IGF1R: variants seen among roughly 807,000 people sequenced by gnomAD.
IGF1R encodes the protein insulin like growth factor 1 receptor.
Under a neutral mutation model 144.6 loss-of-function variants are expected in IGF1R, and 44 were observed. The ratio of observed to expected loss-of-function variants is 0.30; its 90% CI spans 0.24 to 0.39. IGF1R has a LOEUF of 0.39. IGF1R is among the 10% of genes least tolerant of loss of function. The pLI, the probability that IGF1R is intolerant of heterozygous loss-of-function variation, is 1.00. For synonymous variants in IGF1R, 795 were observed against 722.8 expected, an observed-to-expected ratio of 1.10 and a Z score of -1.60; for missense variants, 1,355 against 1,833.7, an observed-to-expected ratio of 0.74 and a Z score of 4.77.
chr15:98,769,543 T>A (rs535001391), intron 2 of IGF1R, among the ~76,000 whole-genome samples: 1 of 152,304 alleles, frequency 6.6e-6, no homozygotes, highest in South Asian at 2.1e-4. Flanking sequence ...CTTTTAGACT[T>A]GGTAAGAAGT....
intron 2 of IGF1R, among the ~76,000 whole-genome samples, chr15:98,850,343 G>GA (rs1042898742): frequency 6.6e-6 from 1 of 152,210 alleles, no homozygotes; most frequent in African/African-American, 2.4e-5. Context: ...AGAGAGCAGA[G>GA]AAGGACCCTG....
intron 2 of IGF1R, among the ~76,000 whole-genome samples, chr15:98,789,229 A>C (rs1047329003): frequency 4.6e-5 from 7 of 152,228 alleles, no homozygotes; most frequent in African/African-American, 1.7e-4. Context: ...TTATCTTTGA[A>C]AGAAGAAAAC....
chr15:98,888,465 G>GTGTGTGTT (rs2013750820), intron 2 of IGF1R, among the ~76,000 whole-genome samples: 2 of 151,842 alleles, frequency 1.3e-5, no homozygotes. Context: ...GTGTGTGTGT[G>GTGTGTGTT]TTTACAGAAA....
At chr15:98,829,265 T>C (rs926547306) in intron 2 of IGF1R, among the ~76,000 whole-genome samples, 1 of 152,148 alleles carries the variant, frequency 6.6e-6, no homozygotes, top group African/African-American at 2.4e-5. Flanking sequence ...TTCACACCTT[T>C]CGTGTTACAC....
At chr15:98,883,329 G>T (rs2013474406) in intron 2 of IGF1R, among the ~76,000 whole-genome samples, 1 of 152,176 alleles carries the variant, frequency 6.6e-6, no homozygotes, top group South Asian at 2.1e-4. Context: ...CATTCCTTAG[G>T]ATGACCAGAA....
chr15:98,750,101 C>T (rs991330765), intron 2 of IGF1R, among the ~76,000 whole-genome samples: 2 of 152,116 alleles, frequency 1.3e-5, no homozygotes, highest in Non-Finnish European at 2.9e-5. Flanking sequence ...TTACCTTTCT[C>T]TTTTGTCATT....
rs2017190562 is a variant in IGF1R, at chr15:98,960,738, G to A, written c.*3296G>A. On this transcript the variant is annotated 3_prime_UTR_variant, in exon 21 of 21. Coordinates refer to ENST00000650285, the MANE Select transcript of IGF1R (RefSeq NM_000875.5). ...TGTGCGCCAGAATGCAGAGGCTCCT[G>A]ACCTCACAGCCAGTCCCTGATAGAA... is the stretch of plus-strand genomic sequence containing the variant. 1 of 233,368 alleles carries A rather than the reference G, an allele frequency of 4.3e-6. No homozygotes were observed. Among genetic ancestry groups the A allele is most frequent in the Non-Finnish European group, 8.5e-6 (1 of 118,150 alleles). The allele number at this position is 233,368 out of a possible 1,614,324, so 14.5% of individuals were successfully genotyped here. A position where few individuals can be genotyped will look rare whatever the true frequency, so the allele number is the denominator to read the frequency against.
intron 2 of IGF1R, among the ~76,000 whole-genome samples, chr15:98,723,151 T>C (rs2054281399): frequency 6.6e-6 from 1 of 152,022 alleles, no homozygotes; most frequent in African/African-American, 2.4e-5. Context: ...CGTACATGTT[T>C]AGTTCCCTCT....
intron 1 of IGF1R, among the ~76,000 whole-genome samples, chr15:98,670,592 T>C (rs2141195118): frequency 6.6e-6 from 1 of 152,328 alleles, no homozygotes; most frequent in African/African-American, 2.4e-5. Context: ...ACCCTGAGCC[T>C]TTTTGGGGAG....
chr15:98,927,846 A>C (rs2015781727), intron 13 of IGF1R, among the ~76,000 whole-genome samples: 1 of 152,208 alleles, frequency 6.6e-6, no homozygotes, highest in Admixed American at 6.5e-5. Context: ...CTTACGATTA[A>C]TGTTTACTTG....
intron 2 of IGF1R, among the ~76,000 whole-genome samples, chr15:98,764,449 T>C (rs1270734391): frequency 2.6e-5 from 4 of 152,188 alleles, no homozygotes; most frequent in Non-Finnish European, 5.9e-5. Context: ...ACACAGAATG[T>C]TGGTATAGTG....
chr15:98,835,576 G>A (rs1406884506), intron 2 of IGF1R, among the ~76,000 whole-genome samples: 2 of 152,188 alleles, frequency 1.3e-5, no homozygotes, highest in South Asian at 2.1e-4. Context: ...CTCAATTTGG[G>A]AAAGTTAAAT....
intron 6 of IGF1R, among the ~76,000 whole-genome samples, chr15:98,911,075 G>C (rs1436254524): frequency 1.3e-5 from 2 of 152,202 alleles, no homozygotes; most frequent in East Asian, 3.8e-4. Context: ...TCATGTCCAA[G>C]TCCCTGGGCA....
In IGF1R at chr15:98,820,044, C is replaced by T. The variant is rs143041690; in HGVS notation, c.641-71281C>T. On this transcript the variant is annotated intron_variant, in intron 2 of 20. Transcript: ENST00000650285. ...CCCTGAAAAAGCTGCAGAATCCTTA[C>T]GCGTTCACAAACCACACTTTGAGAA... Among the ~76,000 whole-genome samples, 139 of 152,304 alleles carry T rather than the reference C, an allele frequency of 9.1e-4. 2 individuals carry two copies. The highest frequency in any genetic ancestry group is 1.2e-3 in the Non-Finnish European group (83 of 68,036).
At chr15:98,897,197 C>A (rs1047601792) in intron 4 of IGF1R, 20 of 439,996 alleles carry the variant, frequency 4.5e-5, no homozygotes, top group Non-Finnish European at 8.0e-5. Context: ...CTGACACATA[C>A]AAACCCCAGA....
At chr15:98,908,309 T>C (rs1354537051) in intron 5 of IGF1R, among the ~76,000 whole-genome samples, 1 of 152,240 alleles carries the variant, frequency 6.6e-6, no homozygotes, top group Non-Finnish European at 1.5e-5. Flanking sequence ...TCCGATTGGG[T>C]AGCAGAGCAT....
At chr15:98,668,654 A>G (rs1225339368) in intron 1 of IGF1R, among the ~76,000 whole-genome samples, 5 of 152,228 alleles carry the variant, frequency 3.3e-5, no homozygotes, top group African/African-American at 7.2e-5. Flanking sequence ...TGCAGGAGCT[A>G]CATAGAGGAA....
intron 1 of IGF1R, among the ~76,000 whole-genome samples, chr15:98,655,944 C>T (rs1320863589): frequency 5.9e-5 from 9 of 152,196 alleles, no homozygotes; most frequent in African/African-American, 2.2e-4. Context: ...CCACTCACCT[C>T]GGCCTCCCGG....
chr15:98,803,888 AG>A (rs2056415796), intron 2 of IGF1R, among the ~76,000 whole-genome samples: 1 of 152,242 alleles, frequency 6.6e-6, no homozygotes, highest in African/African-American at 2.4e-5. Context: ...CCAATAACAT[AG>A]TCACTTATTA....
Sources: gnomAD v4.1 joint callset for allele counts (sites outside exome capture counted in the v4.1 genomes callset) on GRCh38, gnomAD v4.1.1 for gene constraint, MANE v1.5 for transcripts, NCBI Gene and HGNC (gene_info 2026-07-23, HGNC 2026-07-21) for gene names.